Variants in TMEM132C observed in about 807,000 individuals in gnomAD.
The protein encoded by TMEM132C is transmembrane protein 132C.
A neutral mutation model predicts 61.4 loss-of-function variants in TMEM132C; 29 were observed. The ratio of observed to expected loss-of-function variants is 0.47; its 90% CI spans 0.35 to 0.64. The LOEUF (loss-of-function observed/expected upper bound fraction) is 0.64. Ranked by LOEUF, TMEM132C falls within the 30% of genes least tolerant of loss-of-function variation. The probability of loss-of-function intolerance (pLI) is 0.00; values close to 1 mark genes in which losing one functional copy is unlikely to be tolerated. For missense variants in TMEM132C, 1,408 were observed against 1,476.9 expected (o/e 0.95, Z 0.76); for synonymous variants, 656 against 633.1 (o/e 1.04, Z -0.54).
chr12:128,629,665 G>T (rs1165664472), intron 4 of TMEM132C, among the ~76,000 whole-genome samples: 1 of 152,028 alleles, frequency 6.6e-6, no homozygotes, highest in Non-Finnish European at 1.5e-5. Flanking sequence ...CGACAACACT[G>T]AATTCTGCAT....
At chr12:128,605,708 T>A (rs982533064) in intron 3 of TMEM132C, among the ~76,000 whole-genome samples, 1 of 152,190 alleles carries the variant, frequency 6.6e-6, no homozygotes, top group Non-Finnish European at 1.5e-5. Flanking sequence ...GCTTCATGCA[T>A]GAGGCACCAC....
intron 4 of TMEM132C, among the ~76,000 whole-genome samples, chr12:128,643,327 G>A (rs539817776): frequency 6.6e-6 from 1 of 152,184 alleles, no homozygotes. Flanking sequence ...ACCCAGGGCC[G>A]CAAGGGAGGC....
At chr12:128,563,512 T>C (rs1593101244) in intron 3 of TMEM132C, among the ~76,000 whole-genome samples, 1 of 152,144 alleles carries the variant, frequency 6.6e-6, no homozygotes, top group Admixed American at 6.5e-5. Context: ...GGACTCCTGT[T>C]TGCTCCTTGG....
intron 1 of TMEM132C, among the ~76,000 whole-genome samples, chr12:128,358,775 G>GA (rs763369928): frequency 2.6e-5 from 4 of 151,932 alleles, no homozygotes; most frequent in Non-Finnish European, 5.9e-5. Context: ...ACATTTAAAA[G>GA]AAAAAAATGC....
intron 4 of TMEM132C, among the ~76,000 whole-genome samples, chr12:128,616,909 G>A (rs1471322887): frequency 6.6e-6 from 1 of 152,214 alleles, no homozygotes; most frequent in Non-Finnish European, 1.5e-5. Context: ...TGATGAGAAC[G>A]TGTAAGCAAA....
At chr12:128,445,599 C>T (rs778664159) in intron 2 of TMEM132C, among the ~76,000 whole-genome samples, 3 of 152,146 alleles carry the variant, frequency 2.0e-5, no homozygotes, top group Non-Finnish European at 4.4e-5. Context: ...TTCAGCTCCG[C>T]GGACCATCCC....
At chr12:128,295,498 C>T (rs1683705) in intron 1 of TMEM132C, among the ~76,000 whole-genome samples, 34,610 of 151,430 alleles carry the variant, frequency 0.23, 4,432 homozygotes, top group East Asian at 0.5. Flanking sequence ...AAATAATGAC[C>T]GCCTTGAAAC....
intron 1 of TMEM132C, among the ~76,000 whole-genome samples, chr12:128,344,722 A>T (rs945170138): frequency 6.6e-6 from 1 of 152,144 alleles, no homozygotes; most frequent in Non-Finnish European, 1.5e-5. Flanking sequence ...ATCACTAATG[A>T]TGCTGAGCAT....
chr12:128,383,553 C>T (rs1417469771), intron 1 of TMEM132C, among the ~76,000 whole-genome samples: 1 of 152,142 alleles, frequency 6.6e-6, no homozygotes, highest in African/African-American at 2.4e-5. Flanking sequence ...AGATTAATGA[C>T]ACAAAGCCCC....
intron 2 of TMEM132C, among the ~76,000 whole-genome samples, chr12:128,429,036 T>C (rs1486343044): frequency 6.6e-6 from 1 of 152,204 alleles, no homozygotes; most frequent in East Asian, 1.9e-4. Context: ...GCTGAAAGCA[T>C]TCTAATTGAT....
intron 1 of TMEM132C, among the ~76,000 whole-genome samples, chr12:128,305,607 G>A (rs553508028): frequency 6.6e-6 from 1 of 151,762 alleles, no homozygotes; most frequent in Non-Finnish European, 1.5e-5. Flanking sequence ...TAAACAGTGG[G>A]CATTAGATGA....
chr12:128,549,042 C>G (rs1354258528), intron 3 of TMEM132C, among the ~76,000 whole-genome samples: 2 of 152,158 alleles, frequency 1.3e-5, no homozygotes, highest in African/African-American at 4.8e-5. Flanking sequence ...AAGCTTTGCT[C>G]TCATGCTCCC....
At chr12:128,341,782 A>G (rs937005466) in intron 1 of TMEM132C, among the ~76,000 whole-genome samples, 9 of 152,226 alleles carry the variant, frequency 5.9e-5, no homozygotes, top group Admixed American at 4.6e-4. Context: ...CTCTCATGCC[A>G]TGGAACTGTT....
At chr12:128,561,158 G>A (rs571349414) in intron 3 of TMEM132C, among the ~76,000 whole-genome samples, 203 of 152,344 alleles carry the variant, frequency 1.3e-3, no homozygotes, top group Non-Finnish European at 2.4e-3. Context: ...TTCATGCAGT[G>A]AGGGATTTAT....
chr12:128,576,779 C>T lies in TMEM132C; in HGVS notation c.1121+32676C>T, dbSNP rs183737531. Among the ~76,000 whole-genome samples, 63 of 152,252 alleles carry T rather than the reference C, an allele frequency of 4.1e-4. 1 individual carries two copies. Among genetic ancestry groups the T allele is most frequent in the Non-Finnish European group, 7.8e-4 (53 of 68,018 alleles). The stretch of plus-strand genomic sequence containing the variant: ...ACTCCCAGGCCCATGCTTTGGTTGT[C>T]GACATTGTTGTTGTTGTTGTTGACG... On this transcript the variant is annotated intron_variant, in intron 3 of 8. Transcript: ENST00000435159.
intron 4 of TMEM132C, among the ~76,000 whole-genome samples, chr12:128,618,242 A>G (rs925582260): frequency 6.6e-6 from 1 of 152,172 alleles, no homozygotes; most frequent in Non-Finnish European, 1.5e-5. Context: ...GAGATATTAT[A>G]ATGGTCCTTT....
intron 4 of TMEM132C, among the ~76,000 whole-genome samples, chr12:128,622,734 G>A (rs557494902): frequency 5.9e-5 from 9 of 152,220 alleles, no homozygotes; most frequent in South Asian, 2.1e-4. Context: ...CAGGCGTGTC[G>A]TAGGATGTGG....
intron 4 of TMEM132C, among the ~76,000 whole-genome samples, chr12:128,620,232 CAAAA>C (rs386378194): frequency 3.2e-5 from 2 of 61,990 alleles, no homozygotes; most frequent in African/African-American, 5.6e-5. Context: ...GACCCTGTCT[CAAAA>C]AAAAAAAAAA....
At chr12:128,344,738 C>T (rs2135957160) in intron 1 of TMEM132C, among the ~76,000 whole-genome samples, 1 of 152,178 alleles carries the variant, frequency 6.6e-6, no homozygotes, top group Admixed American at 6.5e-5. Flanking sequence ...AGCATCTTTT[C>T]ATGAACTTAT....
Sources: gnomAD v4.1 joint callset for allele counts (sites outside exome capture counted in the v4.1 genomes callset) on GRCh38, gnomAD v4.1.1 for gene constraint, MANE v1.5 for transcripts, NCBI Gene and HGNC (gene_info 2026-07-23, HGNC 2026-07-21) for gene names.